The following ALK variants were observed in gnomAD, a reference collection of about 807,000 sequenced individuals.
The protein encoded by ALK is ALK receptor tyrosine kinase.
Under a neutral mutation model 163.1 loss-of-function variants are expected in ALK, and 74 were observed. The observed-to-expected ratio is 0.45, with a 90% CI of 0.38 to 0.55. The LOEUF (loss-of-function observed/expected upper bound fraction) is 0.55, where lower values mean the gene tolerates loss of function less well. ALK is among the 20% of genes least tolerant of loss of function. The pLI is 0.00. For missense variants in ALK, 2,063 were observed against 2,105.3 expected (o/e 0.98, Z 0.39); for synonymous variants, 960 against 843.2 (o/e 1.14, Z -2.40).
At chr2:29,217,352 CGT>C (rs1225700716) in intron 23 of ALK, among the ~76,000 whole-genome samples, 2 of 105,408 alleles carry the variant, frequency 1.9e-5, no homozygotes, top group Non-Finnish European at 3.6e-5. Context: ...ATGTGTTGTG[CGT>C]GTGTGGTGTG....
intron 1 of ALK, among the ~76,000 whole-genome samples, chr2:29,798,070 A>T (rs919493672): frequency 6.6e-6 from 1 of 152,176 alleles, no homozygotes; most frequent in Admixed American, 6.5e-5. Context: ...GTTGCCATCA[A>T]CTACGATCCC....
At chr2:29,215,472 G>A (rs971020167) in intron 23 of ALK, among the ~76,000 whole-genome samples, 2 of 152,124 alleles carry the variant, frequency 1.3e-5, no homozygotes, top group African/African-American at 2.4e-5. Context: ...GCACATACAT[G>A]ATCTGCTGTG....
chr2:29,417,692 T>A (rs1298088535), intron 4 of ALK, among the ~76,000 whole-genome samples: 1 of 152,218 alleles, frequency 6.6e-6, no homozygotes, highest in African/African-American at 2.4e-5. Context: ...AAGTGGACGG[T>A]TTCCTACCGA....
In ALK at chr2:29,322,634, G is replaced by A. The variant is rs1573230541; in HGVS notation, c.1415-1752C>T. On this transcript the variant is annotated intron_variant, in intron 6 of 28. Coordinates refer to ENST00000389048, the MANE Select transcript of ALK (RefSeq NM_004304.5). ...AGATCACCTGAGGTCAGGAGTTTGA[G>A]AACAGCCTGGCCAACATGGGGAGAC... Among the ~76,000 whole-genome samples, 7 of 152,336 alleles carry A rather than the reference G, an allele frequency of 4.6e-5. No homozygotes were observed. In the South Asian group the frequency reaches 1.4e-3, roughly 32 times the overall value.
At chr2:29,804,636 T>TG (rs1664563759) in intron 1 of ALK, among the ~76,000 whole-genome samples, 1 of 152,160 alleles carries the variant, frequency 6.6e-6, no homozygotes, top group Non-Finnish European at 1.5e-5. Flanking sequence ...CTGCGTTGGG[T>TG]TTAAGGTGAT....
chr2:29,757,591 G>GTT (rs1395485457), intron 1 of ALK, among the ~76,000 whole-genome samples: 3 of 78,500 alleles, frequency 3.8e-5, no homozygotes, highest in African/African-American at 1.2e-4. Context: ...GTTTTTGTTT[G>GTT]TTTGTGTGTG....
At chr2:29,630,935 T>C (rs1453335405) in intron 3 of ALK, among the ~76,000 whole-genome samples, 1 of 152,222 alleles carries the variant, frequency 6.6e-6, no homozygotes, top group Admixed American at 6.5e-5. Context: ...GCGATTTGTA[T>C]AGCACATGGT....
chr2:29,525,820 A>G (rs993033352), intron 4 of ALK, among the ~76,000 whole-genome samples: 1 of 149,838 alleles, frequency 6.7e-6, no homozygotes, highest in South Asian at 2.1e-4. Flanking sequence ...AAAAAAGATG[A>G]GACTCAATTG....
At chr2:29,205,192 G>T (rs1669281016) in intron 26 of ALK, among the ~76,000 whole-genome samples, 1 of 152,090 alleles carries the variant, frequency 6.6e-6, no homozygotes, top group African/African-American at 2.4e-5. Flanking sequence ...TTTTTAGAAA[G>T]TTTTCCTAAA....
At chr2:29,331,056 C>A (rs548820079) in intron 5 of ALK, among the ~76,000 whole-genome samples, 2 of 152,188 alleles carry the variant, frequency 1.3e-5, no homozygotes, top group Non-Finnish European at 2.9e-5. Flanking sequence ...TCCCAGACAG[C>A]CGAGGCTCCC....
At chr2:29,910,204 A>G (rs1371909534) in intron 1 of ALK, among the ~76,000 whole-genome samples, 1 of 152,170 alleles carries the variant, frequency 6.6e-6, no homozygotes, top group Non-Finnish European at 1.5e-5. Context: ...TCTAGAGCTG[A>G]AAATCAATAC....
At chr2:29,277,577 G>A (rs1410239470) in intron 9 of ALK, among the ~76,000 whole-genome samples, 1 of 152,258 alleles carries the variant, frequency 6.6e-6, no homozygotes, top group Non-Finnish European at 1.5e-5. Context: ...AAGAAGAAAT[G>A]CCCAAATCTG....
chr2:29,602,935 G>A (rs1366284494), intron 3 of ALK, among the ~76,000 whole-genome samples: 3 of 152,128 alleles, frequency 2.0e-5, no homozygotes, highest in African/African-American at 7.2e-5. Context: ...CATATTAAGG[G>A]GACATAAGAC....
chr2:29,406,408 G>A (rs1179254124), intron 4 of ALK, among the ~76,000 whole-genome samples: 2 of 152,158 alleles, frequency 1.3e-5, no homozygotes, highest in Non-Finnish European at 2.9e-5. Flanking sequence ...GAGAATCTAC[G>A]AGGCTATGAG....
chr2:29,884,213 A>G (rs1171841790), intron 1 of ALK, among the ~76,000 whole-genome samples: 3 of 152,214 alleles, frequency 2.0e-5, no homozygotes, highest in Non-Finnish European at 4.4e-5. Context: ...AGTAAATTTC[A>G]TATCATAGTA....
chr2:29,775,496 C>A (rs1301379978), intron 1 of ALK, among the ~76,000 whole-genome samples: 2 of 151,600 alleles, frequency 1.3e-5, no homozygotes, highest in Non-Finnish European at 2.9e-5. Context: ...AGTCAGAAAC[C>A]TGTTCCACCA....
rs545177745 is a variant in ALK at position 29,820,210 on chromosome 2, T to A, written c.667+99783A>T. ...CCTCCTTGTCCTCTCTTGGACCACT[T>A]GCTCAGGGAGAAACCAGCTGCCACG... is the stretch of plus-strand genomic sequence containing the variant. On this transcript the variant is annotated intron_variant, in intron 1 of 28. Coordinates refer to ENST00000389048, the MANE Select transcript of ALK (RefSeq NM_004304.5). 6.2e-4 allele frequency among the ~76,000 whole-genome samples: 95 copies of A among 152,314 alleles called. 1 individual carries two copies. The highest frequency in any genetic ancestry group is 2.2e-3 in the African/African-American group (90 of 41,568).
chr2:29,368,409 T>C (rs1668563522), intron 5 of ALK, among the ~76,000 whole-genome samples: 1 of 152,216 alleles, frequency 6.6e-6, no homozygotes, highest in South Asian at 2.1e-4. Context: ...CCCTCATACG[T>C]CAGCGGAATT....
At chr2:29,649,437 A>T (rs1284970988) in intron 3 of ALK, among the ~76,000 whole-genome samples, 1 of 152,116 alleles carries the variant, frequency 6.6e-6, no homozygotes, top group Non-Finnish European at 1.5e-5. Context: ...TTCTTTATGA[A>T]AAATTCAAAG....
Sources: allele counts gnomAD v4.1 joint callset (sites outside exome capture counted in the v4.1 genomes callset), GRCh38; gene constraint gnomAD v4.1.1; transcripts MANE v1.5; gene names NCBI Gene and HGNC (gene_info 2026-07-23, HGNC 2026-07-21).